Variants in SLC12A1 observed in about 807,000 individuals in gnomAD.
SLC12A1 encodes the protein Na-K-2Cl cotransporter.
In SLC12A1, 89 loss-of-function variants were observed where a neutral mutation model predicts 130.4. That is an observed-to-expected ratio of 0.68 (90% CI 0.58 to 0.81). The LOEUF is 0.81. SLC12A1 is among the 40% of genes least tolerant of loss of function. The pLI is 0.00. For missense variants in SLC12A1, 1,310 were observed against 1,336.4 expected, an observed-to-expected ratio of 0.98 and a Z score of 0.31; for synonymous variants, 499 against 460.0, an observed-to-expected ratio of 1.08 and a Z score of -1.09.
At chr15:48,302,587 T>G (rs1396671395) in intron 26 of SLC12A1, among the ~76,000 whole-genome samples, 163 bp from the exon 27 acceptor site, 1 of 113,968 alleles carries the variant, frequency 8.8e-6, no homozygotes, top group African/African-American at 3.4e-5. Context: ...GCCACTGCAG[T>G]CCGCAGTCCG....
chr15:48,221,265 T>C, intron 4 of SLC12A1: 1 of 698,760 alleles, frequency 1.4e-6, no homozygotes, highest in East Asian at 2.7e-5. Flanking sequence ...CACAGACATA[T>C]AATAGCATGT....
intron 24 of SLC12A1, among the ~76,000 whole-genome samples, chr15:48,297,328 C>G (rs2042187251): frequency 6.6e-6 from 1 of 152,156 alleles, no homozygotes; most frequent in Non-Finnish European, 1.5e-5. Context: ...TTACTGTGGT[C>G]AGCATAGTTG....
chr15:48,246,965 AAC>A lies in SLC12A1; in HGVS notation c.1512_1513del (p.Ser506LeufsTer37). On this transcript the variant is annotated frameshift_variant, in exon 12 of 27. Transcript: ENST00000380993. LOFTEE classifies it high-confidence loss of function. ...PLITAGIFSATLSSALASLVS... is the reference protein window; with the variant it reads ...PLITAGIFSAXLSSALASLVS... ...TCATCACTGCGGGAATCTTTTCTGC[AAC>A]ACTCTCCTCCGCCCTGGCCTCCCTT... The A allele has an allele frequency of 6.2e-7, 1 of 1,614,006 alleles. No individual in the cohort carries two copies. Among genetic ancestry groups the A allele is most frequent in the African/African-American group, 1.3e-5 (1 of 75,038 alleles).
intron 9 of SLC12A1, among the ~76,000 whole-genome samples, chr15:48,236,767 A>G (rs1215603362): frequency 6.6e-6 from 1 of 152,218 alleles, no homozygotes; most frequent in Non-Finnish European, 1.5e-5. Flanking sequence ...TTCAAATAGT[A>G]TCACTGCTGA....
intron 17 of SLC12A1, among the ~76,000 whole-genome samples, chr15:48,266,291 T>C (rs1327747144): frequency 7.9e-5 from 12 of 152,178 alleles, no homozygotes; most frequent in Non-Finnish European, 1.6e-4. Flanking sequence ...TTTGATGACA[T>C]TGCACTAGGT....
At chr15:48,246,567 G>C (rs184184379) in intron 11 of SLC12A1, among the ~76,000 whole-genome samples, 20 of 152,316 alleles carry the variant, frequency 1.3e-4, no homozygotes, top group Middle Eastern at 3.4e-3. Flanking sequence ...GATCACTTGA[G>C]GTCAGGAGTT....
intron 24 of SLC12A1, among the ~76,000 whole-genome samples, chr15:48,296,648 T>G (rs2042179809): frequency 6.6e-6 from 1 of 152,180 alleles, no homozygotes; most frequent in Admixed American, 6.5e-5. Context: ...AACTTTATTA[T>G]GAGGAACAAG....
At chr15:48,213,478 T>C (rs2041079844) in intron 2 of SLC12A1, among the ~76,000 whole-genome samples, 1 of 151,790 alleles carries the variant, frequency 6.6e-6, no homozygotes. Context: ...TGAGTTAAAG[T>C]GACTTGACCT....
At chr15:48,239,512 C>T (rs1443903592) in intron 9 of SLC12A1, among the ~76,000 whole-genome samples, 4 of 64,258 alleles carry the variant, frequency 6.2e-5, no homozygotes, top group Admixed American at 4.2e-4. Flanking sequence ...AAGAACCCAT[C>T]TCAAAATAAA....
At chr15:48,241,421 A>C in intron 9 of SLC12A1, 94 bp from the exon 10 acceptor site, 1 of 992,260 alleles carries the variant, frequency 1.0e-6, no homozygotes, top group African/African-American at 1.6e-5. Context: ...CAGGAAGGGT[A>C]GCCTAAAAAT....
At chr15:48,290,502 T>C (rs1347462445) in intron 23 of SLC12A1, among the ~76,000 whole-genome samples, 3 of 152,228 alleles carry the variant, frequency 2.0e-5, no homozygotes, top group African/African-American at 7.2e-5. Context: ...TATATTTTTA[T>C]ATGACTGGCA....
At chr15:48,271,265 AATC>A in intron 19 of SLC12A1, among the ~76,000 whole-genome samples, 1 of 152,264 alleles carries the variant, frequency 6.6e-6, no homozygotes, top group Middle Eastern at 3.4e-3. Flanking sequence ...GAAAATACTT[AATC>A]AGACTCCAGA....
At chr15:48,264,623 A>G (rs568381672) in intron 17 of SLC12A1, among the ~76,000 whole-genome samples, 1 of 152,342 alleles carries the variant, frequency 6.6e-6, no homozygotes, top group East Asian at 1.9e-4. Context: ...GGGCACTAGC[A>G]TGTATGGTAA....
At position 48,259,285 on chromosome 15, in the gene SLC12A1, C is replaced by T. The variant is rs1330736855; in HGVS notation, c.2128C>T (p.Leu710Phe). The T allele has an allele frequency of 1.2e-6, 2 of 1,613,164 alleles. No individual in the cohort carries two copies. The highest frequency in any genetic ancestry group is 1.3e-5 in the African/African-American group (1 of 74,904). ...TCACGCCTTTACCAAGAACAGTGGC[C>T]TTTGCATCTGCTGTGAAGTCTTTGT... ...ITHAFTKNSG[L>F]CICCEVFVGP... is the part of the protein sequence containing the mutation. The change falls in exon 17 of 27, where the codon CTT becomes TTT. Residue 710 changes from leucine to phenylalanine, a missense_variant. By Grantham distance (22) the Leu-to-Phe change is conservative. Transcript: ENST00000380993.
Position 48,291,816 on chromosome 15 carries a change from C to T in SLC12A1, c.2912C>T (p.Ala971Val). ...SLLSKFRIKF[A>V]DIHIIGDINI... ...CTGAGCAAATTTAGGATAAAATTTG[C>T]AGACATCCATATCATCGGTGACATC... The change falls in exon 24 of 27, where the codon GCA becomes GTA. Residue 971 changes from alanine to valine, a missense_variant. Physicochemically the swap from Ala to Val is moderately conservative, Grantham distance 64. Coordinates refer to ENST00000380993, the MANE Select transcript of SLC12A1 (RefSeq NM_000338.3). 1 of 1,571,000 alleles carries T rather than the reference C, an allele frequency of 6.4e-7. No individual in the cohort carries two copies. The highest frequency in any genetic ancestry group is 8.6e-7 in the Non-Finnish European group (1 of 1,156,474).
chr15:48,254,800 T>C (rs956602833), intron 15 of SLC12A1, among the ~76,000 whole-genome samples: 4 of 151,834 alleles, frequency 2.6e-5, no homozygotes, highest in African/African-American at 9.7e-5. Flanking sequence ...GGCGGGCGCC[T>C]GTAGTCCCAG....
chr15:48,216,739 C>G (rs2041126074), intron 2 of SLC12A1, among the ~76,000 whole-genome samples: 1 of 152,172 alleles, frequency 6.6e-6, no homozygotes, highest in Non-Finnish European at 1.5e-5. Flanking sequence ...TAGTCATGGA[C>G]ATTTTAACAC....
At chr15:48,235,286 T>C (rs1441264481) in intron 9 of SLC12A1, 8 of 403,992 alleles carry the variant, frequency 2.0e-5, no homozygotes, top group Non-Finnish European at 3.6e-5. Context: ...GTGAAAAAAA[T>C]ACCAGAACCA....
chr15:48,229,232 C>T lies in SLC12A1; in HGVS notation c.768C>T (p.Phe256=), dbSNP rs766025713. 53 of 1,593,506 alleles carry T rather than the reference C, an allele frequency of 3.3e-5. No homozygotes were observed. Among genetic ancestry groups the T allele is most frequent in the African/African-American group, 8.0e-5 (6 of 74,688 alleles). The part of the protein sequence containing the change: ...YLISRSLGPE[F]GGSIGLIFAF... ...TTTCCAGAAGTTTAGGGCCCGAGTT[C>T]GGTGGGTCAATAGGCCTGATCTTTG... is the stretch of plus-strand genomic sequence containing the variant. Residue 256 remains phenylalanine, a synonymous_variant, in exon 6 of 27, where the codon TTC becomes TTT. Coordinates refer to ENST00000380993, the MANE Select transcript of SLC12A1 (RefSeq NM_000338.3).
Sources: gnomAD v4.1 joint callset for allele counts (sites outside exome capture counted in the v4.1 genomes callset) on GRCh38, gnomAD v4.1.1 for gene constraint, MANE v1.5 for transcripts, NCBI Gene and HGNC (gene_info 2026-07-23, HGNC 2026-07-21) for gene names.